The following AGBL4 variants were observed in gnomAD, a reference collection of about 807,000 sequenced individuals.
AGBL4 encodes the protein AGBL carboxypeptidase 4, also known as cytosolic carboxypeptidase 6.
In AGBL4, 58 loss-of-function variants were observed where a neutral mutation model predicts 66.4. The ratio of observed to expected loss-of-function variants is 0.87; its 90% confidence interval spans 0.71 to 1.09. AGBL4 has a LOEUF of 1.09. Ranked by LOEUF, AGBL4 falls within the 50% of genes least tolerant of loss-of-function variation. AGBL4 has a pLI of 0.00. For synonymous variants in AGBL4, 234 were observed against 222.9 expected, an observed-to-expected ratio of 1.05 and a Z score of -0.44; for missense variants, 579 against 631.0, an observed-to-expected ratio of 0.92 and a Z score of 0.88.
rs1015806615 is a variant in AGBL4 at position 48,563,098 on chromosome 1, A to G, written c.1268-23360T>C. Among the ~76,000 whole-genome samples, 100 of 152,176 alleles carry G rather than the reference A, an allele frequency of 6.6e-4. 1 individual carries two copies. The highest frequency in any genetic ancestry group is 2.4e-3 in the African/African-American group (98 of 41,448). On this transcript the variant is annotated intron_variant, in intron 11 of 13. Transcript: ENST00000371839. ...TTAGAATAACCCCTTTGCCTGCCCC[A>G]ATATCTTTGGCTGTGCCCACTGTGG... is the stretch of plus-strand genomic sequence containing the variant.
chr1:48,736,556 A>G lies in AGBL4; in HGVS notation c.635-73315T>C, dbSNP rs1002648061. 5 of 986,578 alleles carry G rather than the reference A, an allele frequency of 5.1e-6. No individual in the cohort carries two copies. Among genetic ancestry groups the G allele is most frequent in the Non-Finnish European group, 7.7e-6 (5 of 646,434 alleles). 61.1% of individuals were successfully genotyped at this position (986,578 alleles called of 1,614,324 possible). A position where few individuals can be genotyped will look rare whatever the true frequency, so the allele number is the denominator to read the frequency against. On this transcript the variant is annotated intron_variant, in intron 6 of 13. Coordinates refer to ENST00000371839, the MANE Select transcript of AGBL4 (RefSeq NM_032785.4). The surrounding 1 kb of genome is among the most constrained non-coding windows in gnomAD (Gnocchi z 4.0). ...ATTGCTGCACAACTGTAAGAGATTC[A>G]TGTCATAAATATGAAATTAACTCTC... is the stretch of plus-strand genomic sequence containing the variant.
chr1:49,943,646 TAA>T (rs1025551217), intron 1 of AGBL4, among the ~76,000 whole-genome samples: 16 of 149,846 alleles, frequency 1.1e-4, no homozygotes, highest in African/African-American at 4.0e-4. Flanking sequence ...CTGAGTACCC[TAA>T]AAAGCCATTT....
rs534639457 is a variant in AGBL4, at chr1:49,169,751, A to G, written c.377+76019T>C. On this transcript the variant is annotated intron_variant, in intron 4 of 13. Coordinates refer to ENST00000371839, the MANE Select transcript of AGBL4 (RefSeq NM_032785.4). Reference sequence around the variant, plus strand: ...CACTCCATCCATACGCCAAGCCTATAAAGTTAGACTTTTTTCTCTGGTTTT... The same window carrying G: ...CACTCCATCCATACGCCAAGCCTATGAAGTTAGACTTTTTTCTCTGGTTTT... Among the ~76,000 whole-genome samples, 112 of 152,274 alleles carry G rather than the reference A, an allele frequency of 7.4e-4. 1 individual carries two copies. Among genetic ancestry groups the G allele is most frequent in the African/African-American group, 2.6e-3 (108 of 41,564 alleles).
intron 6 of AGBL4, among the ~76,000 whole-genome samples, chr1:48,752,192 C>T (rs192060659): frequency 6.6e-5 from 10 of 152,262 alleles, no homozygotes; most frequent in Admixed American, 5.9e-4. Context: ...CGCTTTGGGC[C>T]TTTCTCAAAG....
chr1:49,645,885 A>G (rs1483529082), intron 3 of AGBL4, among the ~76,000 whole-genome samples: 1 of 151,636 alleles, frequency 6.6e-6, no homozygotes, highest in Non-Finnish European at 1.5e-5. Context: ...TAGTTAAGCT[A>G]ATTCACCATT....
intron 5 of AGBL4, among the ~76,000 whole-genome samples, chr1:49,042,042 C>A (rs1234749405): frequency 6.6e-6 from 1 of 152,034 alleles, no homozygotes; most frequent in East Asian, 1.9e-4. Flanking sequence ...AAAACTCATT[C>A]TATCCTTAAT....
intron 2 of AGBL4, chr1:49,845,739 G>C (rs201971539): frequency 6.7e-4 from 1,071 of 1,591,262 alleles, no homozygotes; most frequent in Non-Finnish European, 8.2e-4. Context: ...ACACGGGAGA[G>C]AAGCCCTATG....
chr1:48,818,032 G>T, intron 6 of AGBL4: 1 of 709,152 alleles, frequency 1.4e-6, no homozygotes, highest in Non-Finnish European at 2.6e-6. Context: ...CCCGAGATTA[G>T]GTCAAATTCA....
intron 9 of AGBL4, among the ~76,000 whole-genome samples, chr1:48,613,109 G>C (rs2148383620): frequency 6.6e-6 from 1 of 152,210 alleles, no homozygotes; most frequent in East Asian, 1.9e-4. Context: ...ACTCCAGCCT[G>C]GGCGAGAGAG....
At chr1:48,886,630 G>A (rs1650375896) in intron 5 of AGBL4, among the ~76,000 whole-genome samples, 2 of 152,072 alleles carry the variant, frequency 1.3e-5, no homozygotes, top group Admixed American at 1.3e-4. Flanking sequence ...TCCACTCACT[G>A]CAAGCTCTGC....
At chr1:48,925,206 A>G (rs1474434287) in intron 5 of AGBL4, among the ~76,000 whole-genome samples, 1 of 151,710 alleles carries the variant, frequency 6.6e-6, no homozygotes, top group African/African-American at 2.4e-5. Flanking sequence ...ATCCCTCAGT[A>G]TCCATGGGAG....
At chr1:49,874,437 T>G (rs1490613495) in intron 1 of AGBL4, among the ~76,000 whole-genome samples, 1 of 152,124 alleles carries the variant, frequency 6.6e-6, no homozygotes, top group Non-Finnish European at 1.5e-5. Context: ...TTTTCCAGAA[T>G]TCATTAAATT....
intron 3 of AGBL4, among the ~76,000 whole-genome samples, chr1:49,671,579 T>G (rs1055436555): frequency 3.9e-5 from 6 of 152,262 alleles, no homozygotes; most frequent in Admixed American, 6.5e-5. Flanking sequence ...ATTTGCAAAC[T>G]ATGCATCTGA....
intron 4 of AGBL4, among the ~76,000 whole-genome samples, chr1:49,101,843 A>G (rs1645208123): frequency 6.6e-6 from 1 of 152,178 alleles, no homozygotes; most frequent in African/African-American, 2.4e-5. Flanking sequence ...TGGGATATGA[A>G]CAAAAATTAG....
chr1:49,653,527 T>C (rs190087279), intron 3 of AGBL4, among the ~76,000 whole-genome samples: 23 of 151,948 alleles, frequency 1.5e-4, no homozygotes, highest in Non-Finnish European at 2.5e-4. Context: ...CTTTACTAGC[T>C]AAAGGATTAT....
intron 1 of AGBL4, among the ~76,000 whole-genome samples, chr1:49,892,357 T>C (rs761722999): frequency 2.6e-5 from 4 of 152,192 alleles, no homozygotes; most frequent in Non-Finnish European, 5.9e-5. Context: ...ACAAGGTCCC[T>C]CCTCAATTCC....
intron 3 of AGBL4, among the ~76,000 whole-genome samples, chr1:49,533,188 C>T (rs1350402620): frequency 6.6e-6 from 1 of 152,124 alleles, no homozygotes; most frequent in African/African-American, 2.4e-5. Flanking sequence ...CACCTACACC[C>T]CGCCCCCACA....
chr1:50,007,448 T>C (rs1661220372), intron 1 of AGBL4, among the ~76,000 whole-genome samples: 1 of 152,128 alleles, frequency 6.6e-6, no homozygotes, highest in Admixed American at 6.5e-5. Flanking sequence ...AAACAAGACC[T>C]AAGAATCTGT....
chr1:49,936,708 CA>C (rs1454907174), intron 1 of AGBL4, among the ~76,000 whole-genome samples: 1 of 152,154 alleles, frequency 6.6e-6, no homozygotes, highest in East Asian at 1.9e-4. Flanking sequence ...AAAGAATTTT[CA>C]ACCCAGAATT....
Sources: gnomAD v4.1 joint callset for allele counts (sites outside exome capture counted in the v4.1 genomes callset) on GRCh38, gnomAD v4.1.1 for gene constraint, Gnocchi (gnomAD v3.1) non-coding constraint, MANE v1.5 for transcripts, NCBI Gene and HGNC (gene_info 2026-07-23, HGNC 2026-07-21) for gene names.